The following UGT2B4 variants were observed in gnomAD, a reference collection of about 807,000 sequenced individuals.
UGT2B4 encodes the protein UDP glucuronosyltransferase family 2 member B4, also known as UDP-glucuronosyltransferase 2B4.
A neutral mutation model predicts 49.8 loss-of-function variants in UGT2B4; 49 were observed. The observed-to-expected ratio is 0.98, with a 90% confidence interval of 0.78 to 1.25. The LOEUF (loss-of-function observed/expected upper bound fraction) is 1.25, where lower values mean the gene tolerates loss of function less well. Among genes scored for constraint, UGT2B4 ranks in the 50% most tolerant of loss-of-function variants. UGT2B4 has a pLI of 0.00. For missense variants in UGT2B4, 729 were observed against 627.7 expected (o/e 1.16, Z -1.73); for synonymous variants, 246 against 217.7 (o/e 1.13, Z -1.14).
At chr4:69,522,733 T>C (rs1044061239) in intron 1 of UGT2B4, among the ~76,000 whole-genome samples, 7 of 152,176 alleles carry the variant, frequency 4.6e-5, no homozygotes, top group Non-Finnish European at 8.8e-5. Flanking sequence ...ATTTGTCACA[T>C]TGATTGACAC....
In UGT2B4 at chr4:69,480,299, C is replaced by CGCCGTAT; in HGVS notation, c.*334_*335insATACGGC. 4.3e-6 allele frequency: 1 copy of CGCCGTAT among 230,828 alleles called. No homozygotes were observed. The highest frequency in any genetic ancestry group is 8.6e-6 in the Non-Finnish European group (1 of 116,746). 14.3% of individuals were successfully genotyped at this position (230,828 alleles called of 1,614,324 possible). ...AGTGGACTTCTTAATGTTCTTGTTT[C>CGCCGTAT]CATGTACAATGTGTGACATGTAGTT... On this transcript the variant is annotated 3_prime_UTR_variant, in exon 6 of 6. Transcript: ENST00000305107.
chr4:69,514,707 A>C (rs150546706), intron 1 of UGT2B4, among the ~76,000 whole-genome samples: 50 of 152,302 alleles, frequency 3.3e-4, no homozygotes, highest in African/African-American at 1.2e-3. Context: ...TTCTGGGTTT[A>C]TTGAGTTAAT....
chr4:69,486,618 C>A lies in UGT2B4; in HGVS notation c.1081G>T (p.Asp361Tyr). 1 of 1,594,384 alleles carries A rather than the reference C, an allele frequency of 6.3e-7. No individual in the cohort carries two copies. The highest frequency in any genetic ancestry group is 8.5e-7 in the Non-Finnish European group (1 of 1,172,756). The change falls in exon 4 of 6, where the codon GAT (aspartate) becomes TAT (tyrosine). Residue 361 changes from aspartate (D) to tyrosine (Y), a missense_variant. Coordinates refer to ENST00000305107, the MANE Select transcript of UGT2B4 (RefSeq NM_021139.3). ...TRLYKWIPQN[D>Y]LLGHPKTRAF... ...TTCTTCAGAGACTTACCAAGAAGAT[C>A]ATTCTGGGGTATCCACTTGTACAGC...
intron 1 of UGT2B4, 109 bp downstream of exon 1, chr4:69,495,027 ATAAAT>A: frequency 1.0e-6 from 1 of 975,674 alleles, no homozygotes; most frequent in Non-Finnish European, 1.4e-6. Flanking sequence ...ATTTCATTTG[ATAAAT>A]TCATTACAAA....
At chr4:69,521,450 G>A (rs1728847478) in intron 1 of UGT2B4, among the ~76,000 whole-genome samples, 1 of 152,184 alleles carries the variant, frequency 6.6e-6, no homozygotes. Context: ...CAGAAGCTGT[G>A]TGCAGTACGT....
intron 1 of UGT2B4, among the ~76,000 whole-genome samples, chr4:69,510,990 C>CTT (rs113842049): frequency 2.8e-5 from 3 of 105,888 alleles, no homozygotes; most frequent in Admixed American, 9.9e-5. Context: ...TTCTTTTCTT[C>CTT]TTTTTTTTTT....
chr4:69,483,065 T>C (rs1291098134), intron 5 of UGT2B4, among the ~76,000 whole-genome samples: 4 of 152,200 alleles, frequency 2.6e-5, no homozygotes, highest in African/African-American at 4.8e-5. Context: ...TTTATACATA[T>C]ATTTTCCTAT....
chr4:69,516,860 A>G (rs6831509), intron 1 of UGT2B4, among the ~76,000 whole-genome samples: 53,163 of 149,726 alleles, frequency 0.36, 9,403 homozygotes, highest in Non-Finnish European at 0.37. Context: ...TGCCCGCCTT[A>G]CGCTCCCAAA....
At chr4:69,500,666 A>AAAGAGAGAAAGG (rs1444201529), upstream of UGT2B4, among the ~76,000 whole-genome samples, 1 of 113,796 alleles carries the variant, frequency 8.8e-6, no homozygotes, top group Admixed American at 8.9e-5. Flanking sequence ...AGAAAGAAAG[A>AAAGAGAGAAAGG]AAGGAAGGAA....
intron 1 of UGT2B4, among the ~76,000 whole-genome samples, chr4:69,515,986 G>A (rs1304019108): frequency 6.6e-6 from 1 of 152,044 alleles, no homozygotes. Context: ...TTTTTCTGAT[G>A]CTCTCCCTTC....
chr4:69,489,684 A>G, intron 2 of UGT2B4, 114 bp from the exon 3 acceptor site: 1 of 1,441,570 alleles, frequency 6.9e-7, no homozygotes, highest in African/African-American at 1.4e-5. Flanking sequence ...TATTGGAGTA[A>G]AGGATGTTTT....
At chr4:69,484,918 C>G (rs1294826651) in intron 5 of UGT2B4, among the ~76,000 whole-genome samples, 1 of 151,970 alleles carries the variant, frequency 6.6e-6, no homozygotes, top group Admixed American at 6.6e-5. Context: ...TCTTTCCTTT[C>G]TACTGTGGAT....
At position 69,495,599 on chromosome 4, in the gene UGT2B4, T is replaced by C. The variant is rs1187833421; in HGVS notation, c.263A>G (p.Asp88Gly). ...TCTCTTAACCAGCTGCTTGATAATATCCTCAAACTCAGTTTTAGTTAAAGA... is the reference window on the plus strand; with the variant it reads ...TCTCTTAACCAGCTGCTTGATAATACCCTCAAACTCAGTTTTAGTTAAAGA... Reference protein sequence around the residue: ...PVSLTKTEFEDIIKQLVKRWA... With the variant: ...PVSLTKTEFEGIIKQLVKRWA... The change falls in exon 1 of 6, where the codon GAT becomes GGT. Residue 88 changes from aspartate to glycine, a missense_variant. By Grantham distance (94) the Asp-to-Gly change is moderately conservative. Transcript: ENST00000305107. 3 of 1,614,000 alleles carry C rather than the reference T, an allele frequency of 1.9e-6. No homozygotes were observed. The highest frequency in any genetic ancestry group is 1.7e-5 in the Admixed American group (1 of 59,978).
Position 69,493,697 on chromosome 4 carries a change from G to C in UGT2B4, c.866C>G (p.Pro289Arg). ...GLHCKPAKPL[P>R]KEMEEFVQSS... Reference sequence around the variant, plus strand: ...AAACAAACAGTAATAGTTTACCTTCGGTAGGGGTTTGGCAGGTTTGCAGTG... The same window carrying C: ...AAACAAACAGTAATAGTTTACCTTCCGTAGGGGTTTGGCAGGTTTGCAGTG... The change falls in exon 2 of 6, where the codon CCG becomes CGG. Residue 289 changes from proline to arginine, a missense_variant. Physicochemically the swap from Pro to Arg is moderately radical, Grantham distance 103 (BLOSUM62 -2). Transcript: ENST00000305107. The C allele has an allele frequency of 1.2e-6, 2 of 1,605,470 alleles. No individual in the cohort carries two copies. Among genetic ancestry groups the C allele is most frequent in the Non-Finnish European group, 1.7e-6 (2 of 1,177,106 alleles).
intron 3 of UGT2B4, among the ~76,000 whole-genome samples, chr4:69,488,871 A>G (rs1158437153): frequency 6.6e-6 from 1 of 151,902 alleles, no homozygotes; most frequent in Non-Finnish European, 1.5e-5. Flanking sequence ...TCCTTACACT[A>G]GTTGTCTGAC....
At chr4:69,515,382 T>C (rs928350651) in intron 1 of UGT2B4, among the ~76,000 whole-genome samples, 2 of 152,004 alleles carry the variant, frequency 1.3e-5, no homozygotes, top group South Asian at 2.1e-4. Flanking sequence ...CACCAACATA[T>C]GGAAATTGAA....
chr4:69,510,269 G>A (rs1010895195), intron 1 of UGT2B4, among the ~76,000 whole-genome samples: 5 of 152,014 alleles, frequency 3.3e-5, no homozygotes, highest in Non-Finnish European at 7.4e-5. Flanking sequence ...AATATATTTT[G>A]ATATAAGAAA....
In UGT2B4 at chr4:69,483,862, T is replaced by C. The variant is rs1297346141; in HGVS notation, c.1310+1346A>G. The stretch of plus-strand genomic sequence containing the variant: ...GACCATCATCAAAAATGTAAAATGT[T>C]AGTGCACCAAGAACGAGACGAAATA... On this transcript the variant is annotated intron_variant, in intron 5 of 5. Coordinates refer to ENST00000305107, the MANE Select transcript of UGT2B4 (RefSeq NM_021139.3). 2.0e-5 allele frequency among the ~76,000 whole-genome samples: 3 copies of C among 152,302 alleles called. No individual in the cohort carries two copies. In the East Asian group the frequency reaches 5.8e-4, roughly 29 times the overall value.
intron 2 of UGT2B4, 133 bp downstream of exon 2, chr4:69,493,560 C>T (rs1728056301): frequency 9.5e-7 from 1 of 1,056,468 alleles, no homozygotes; most frequent in African/African-American, 1.7e-5. Context: ...ACATGTACGT[C>T]AGTTTCTAAT....
Sources: allele counts gnomAD v4.1 joint callset (sites outside exome capture counted in the v4.1 genomes callset), GRCh38; gene constraint gnomAD v4.1.1; transcripts MANE v1.5; gene names NCBI Gene and HGNC (gene_info 2026-07-23, HGNC 2026-07-21).